C17orf99: variants seen among roughly 807,000 people sequenced by gnomAD.
C17orf99 encodes chromosome 17 open reading frame 99.
In C17orf99, 18 loss-of-function variants were observed where a neutral mutation model predicts 22.6. That is an observed-to-expected ratio of 0.80 (90% CI 0.55 to 1.18). The LOEUF is 1.18. C17orf99 is among the 50% of genes most tolerant of loss of function. The pLI is 0.00. For missense variants in C17orf99, 328 were observed against 342.7 expected (o/e 0.96, Z 0.34); for synonymous variants, 147 against 136.6 (o/e 1.08, Z -0.53).
At chr17:78,145,792 C>CTTTTT (rs5822229), upstream of C17orf99, among the ~76,000 whole-genome samples, 1 of 128,888 alleles carries the variant, frequency 7.8e-6, no homozygotes, top group African/African-American at 2.9e-5. Flanking sequence ...GCGTGGACAT[C>CTTTTT]TTTTTTTTTT....
rs920433937 is a variant in C17orf99, at chr17:78,150,630, T to A, written c.70+3719T>A. On this transcript the variant is annotated intron_variant, in intron 2 of 4. Coordinates refer to ENST00000340363, the MANE Select transcript of C17orf99 (RefSeq NM_001163075.2). ...AGAAAAGTTTAGGGAAGGGGAAATG[T>A]CAAGAAGGTGTTGTCCCCCTTTGTC... is the stretch of plus-strand genomic sequence containing the variant. 2.6e-5 allele frequency among the ~76,000 whole-genome samples: 4 copies of A among 152,112 alleles called. 1 individual carries two copies. Among genetic ancestry groups the A allele is most frequent in the Non-Finnish European group, 5.9e-5 (4 of 68,020 alleles).
intron 2 of C17orf99, among the ~76,000 whole-genome samples, chr17:78,153,206 C>T (rs769806042): frequency 1.7e-4 from 26 of 152,138 alleles, no homozygotes; most frequent in African/African-American, 5.3e-4. Flanking sequence ...AGTGTGCGGC[C>T]GGGGACGGTG....
chr17:78,160,275 C>T (rs546234144), intron 2 of C17orf99, among the ~76,000 whole-genome samples: 4 of 152,204 alleles, frequency 2.6e-5, no homozygotes, highest in East Asian at 1.9e-4. Flanking sequence ...CGGTGGCTCA[C>T]GCCTGTAATC....
chr17:78,161,308 G>T, intron 3 of C17orf99, 54 bp downstream of exon 3: 1 of 1,433,784 alleles, frequency 7.0e-7, no homozygotes, highest in Non-Finnish European at 9.5e-7. Flanking sequence ...GCAGATCAAT[G>T]GGGAGCTCTG....
At chr17:78,165,541 G>T (rs1293245549) in intron 4 of C17orf99, 1 of 989,776 alleles carries the variant, frequency 1.0e-6, no homozygotes, top group Non-Finnish European at 1.2e-6. Context: ...AGTGGCTCAT[G>T]CCTGGAATCT....
intron 2 of C17orf99, among the ~76,000 whole-genome samples, chr17:78,159,867 C>G (rs536786706): frequency 3.9e-4 from 60 of 152,124 alleles, no homozygotes; most frequent in African/African-American, 1.4e-3. Flanking sequence ...AATGTTGTTA[C>G]GGCTCATCCC....
Position 78,164,210 on chromosome 17 carries a change from C to G in C17orf99, c.486C>G (p.Ile162Met). ...SGSPPITNSLIGKDGQVHLQQ... is the reference protein window; with the variant it reads ...SGSPPITNSLMGKDGQVHLQQ... ...GCCCACCTATCACCAACAGCCTGATCGGGAAGGATGGGCAGGTCCACCTGC... is the reference window on the plus strand; with the variant it reads ...GCCCACCTATCACCAACAGCCTGATGGGGAAGGATGGGCAGGTCCACCTGC... Residue 162 changes from isoleucine to methionine, a missense_variant, in exon 4 of 5, where the codon ATC (isoleucine) becomes ATG (methionine). Physicochemically the swap from Ile to Met is conservative, Grantham distance 10. Transcript: ENST00000340363. 2.6e-6 allele frequency: 4 copies of G among 1,551,628 alleles called. No individual in the cohort carries two copies. Among genetic ancestry groups the G allele is most frequent in the Admixed American group, 2.0e-5 (1 of 51,008 alleles).
At chr17:78,161,849 A>T (rs1044836570) in intron 3 of C17orf99, among the ~76,000 whole-genome samples, 5 of 151,958 alleles carry the variant, frequency 3.3e-5, no homozygotes, top group Non-Finnish European at 7.4e-5. Flanking sequence ...AAAAAAAAAA[A>T]AGAAAAAGAA....
At chr17:78,157,507 T>A in intron 2 of C17orf99, 1 of 1,190,206 alleles carries the variant, frequency 8.4e-7, no homozygotes, top group East Asian at 3.4e-5. Context: ...TGTGTAAAAA[T>A]GACTTTGTAG....
chr17:78,151,831 C>G (rs1476237142), intron 2 of C17orf99, among the ~76,000 whole-genome samples: 1 of 152,190 alleles, frequency 6.6e-6, no homozygotes, highest in East Asian at 1.9e-4. Context: ...CCTTAACGGA[C>G]GGCGGCTTAT....
chr17:78,149,937 T>C (rs566120422), intron 2 of C17orf99, among the ~76,000 whole-genome samples: 6 of 152,048 alleles, frequency 3.9e-5, no homozygotes, highest in South Asian at 2.1e-4. Context: ...TGTTGATCGC[T>C]TGACCTCGTG....
chr17:78,151,305 A>G (rs1169588756), intron 2 of C17orf99, among the ~76,000 whole-genome samples: 1 of 150,274 alleles, frequency 6.7e-6, no homozygotes, highest in Non-Finnish European at 1.5e-5. Flanking sequence ...TGTGCCTGTA[A>G]TCCCAGCTAC....
In C17orf99 at chr17:78,165,925, T is replaced by A; in HGVS notation, c.677T>A (p.Leu226Gln). The A allele has an allele frequency of 7.0e-7, 1 of 1,433,232 alleles. No homozygotes were observed. Among genetic ancestry groups the A allele is most frequent in the Non-Finnish European group, 9.3e-7 (1 of 1,078,066 alleles). The allele number at this position is 1,433,232 out of a possible 1,614,324, so 88.8% of individuals were successfully genotyped here. Residue 226 changes from leucine (L) to glutamine (Q), a missense_variant, in exon 5 of 5, where the codon CTG becomes CAG. Transcript: ENST00000340363. ...AAGATGGAGGACTGGCAGGGTCCCC[T>A]GGAGAGCCCCATCCTTGCCTTGCCG... ...DQKMEDWQGP[L>Q]ESPILALPLY... is the part of the protein sequence containing the mutation.
chr17:78,151,453 GA>G (rs2075482811), intron 2 of C17orf99, among the ~76,000 whole-genome samples: 8 of 118,814 alleles, frequency 6.7e-5, no homozygotes, highest in African/African-American at 2.7e-4. Flanking sequence ...AAAAGCAAAA[GA>G]CAAAAGACAA....
intron 2 of C17orf99, among the ~76,000 whole-genome samples, chr17:78,150,353 CA>C (rs1158050758): frequency 2.6e-5 from 4 of 152,092 alleles, no homozygotes; most frequent in African/African-American, 9.7e-5. Context: ...CTATTTTGCC[CA>C]GCTGGTCTTG....
intron 2 of C17orf99, among the ~76,000 whole-genome samples, chr17:78,149,126 G>C (rs1017152249): frequency 2.0e-5 from 3 of 152,108 alleles, no homozygotes; most frequent in Non-Finnish European, 2.9e-5. Flanking sequence ...GAGGTCAGGA[G>C]TTTGAGACCA....
intron 2 of C17orf99, chr17:78,160,698 C>T (rs1487327994): frequency 2.0e-6 from 1 of 490,520 alleles, no homozygotes; most frequent in Non-Finnish European, 3.7e-6. Flanking sequence ...ATTCTCCTGC[C>T]TTAGCTTCCC....
At chr17:78,157,102 G>T (rs185867587) in intron 2 of C17orf99, among the ~76,000 whole-genome samples, 2 of 152,118 alleles carry the variant, frequency 1.3e-5, no homozygotes, top group Admixed American at 6.6e-5. Flanking sequence ...GGCCGAGGTG[G>T]GTGGATGACT....
At chr17:78,158,034 G>C in intron 2 of C17orf99, 1 of 1,365,854 alleles carries the variant, frequency 7.3e-7, no homozygotes, top group Non-Finnish European at 1.0e-6. Context: ...ATCCAGGATG[G>C]GCACCTATCA....
Sources: allele counts gnomAD v4.1 joint callset (sites outside exome capture counted in the v4.1 genomes callset), GRCh38; gene constraint gnomAD v4.1.1; transcripts MANE v1.5; gene names NCBI Gene and HGNC (gene_info 2026-07-23, HGNC 2026-07-21).